The following FH variants were observed in gnomAD, a reference collection of about 807,000 sequenced individuals.
FH encodes fumarate hydratase, mitochondrial.
FH carries 22 observed loss-of-function variants against 49.4 expected under a neutral mutation model. That is an observed-to-expected ratio of 0.45 (90% CI 0.32 to 0.64). FH has a LOEUF of 0.64. FH is among the 30% of genes least tolerant of loss of function. The pLI, the probability that FH is intolerant of heterozygous loss-of-function variation, is 0.05. For synonymous variants in FH, 208 were observed against 223.0 expected, an observed-to-expected ratio of 0.93 and a Z score of 0.60; for missense variants, 526 against 641.5, an observed-to-expected ratio of 0.82 and a Z score of 1.95.
At chr1:241,516,946 C>G (rs936717685) in intron 2 of FH, among the ~76,000 whole-genome samples, 1 of 152,118 alleles carries the variant, frequency 6.6e-6, no homozygotes, top group Non-Finnish European at 1.5e-5. Context: ...CCACCGTGCC[C>G]GGCCTTAAAT....
chr1:241,500,369 T>C (rs1265767503), intron 9 of FH, 68 bp downstream of exon 9: 1 of 1,477,734 alleles, frequency 6.8e-7, no homozygotes, highest in Admixed American at 1.7e-5. Flanking sequence ...GATCCACTTG[T>C]CTCTTAAAAA....
intron 2 of FH, among the ~76,000 whole-genome samples, chr1:241,514,739 T>C (rs992966148): frequency 6.6e-6 from 1 of 152,084 alleles, no homozygotes; most frequent in African/African-American, 2.4e-5. Context: ...ACCAGAAAAT[T>C]TGAAATTTCA....
intron 2 of FH, 92 bp downstream of exon 2, chr1:241,517,090 T>C: frequency 1.3e-6 from 2 of 1,510,978 alleles, no homozygotes; most frequent in Non-Finnish European, 1.8e-6. Flanking sequence ...AACTTTACAT[T>C]TTAACTCTGA....
intron 9 of FH, among the ~76,000 whole-genome samples, chr1:241,498,782 G>A (rs1334778305): frequency 4.0e-5 from 5 of 125,196 alleles, no homozygotes; most frequent in African/African-American, 9.0e-5. Flanking sequence ...AAACCAATGC[G>A]GGAGAAAAAA....
chr1:241,498,741 A>C, intron 9 of FH, among the ~76,000 whole-genome samples: 1 of 119,284 alleles, frequency 8.4e-6, no homozygotes, highest in Non-Finnish European at 1.8e-5. Flanking sequence ...ATATATATAT[A>C]TGTCAAGAAG....
At chr1:241,517,109 T>C in intron 2 of FH, 73 bp downstream of exon 2, 1 of 1,575,076 alleles carries the variant, frequency 6.3e-7, no homozygotes, top group South Asian at 1.1e-5. Flanking sequence ...GAAAAATATT[T>C]ATAAAGTAAA....
At chr1:241,511,797 A>C (rs1291855565) in intron 4 of FH, 170 bp downstream of exon 4, 1 of 620,370 alleles carries the variant, frequency 1.6e-6, no homozygotes, top group African/African-American at 1.8e-5. Context: ...TAATTTTTAT[A>C]AGGATTGAAA....
intron 2 of FH, among the ~76,000 whole-genome samples, chr1:241,514,160 C>G (rs1660162177): frequency 6.6e-6 from 1 of 152,088 alleles, no homozygotes; most frequent in Admixed American, 6.5e-5. Context: ...TCCTTCCCCT[C>G]TTAAAAAAAT....
chr1:241,504,393 C>T (rs1659862017), intron 6 of FH, 148 bp from the exon 7 acceptor site: 2 of 760,590 alleles, frequency 2.6e-6, no homozygotes, highest in Non-Finnish European at 4.3e-6. Context: ...CAAATTTTGT[C>T]TACATTTTTA....
chr1:241,510,566 T>C (rs1187814101), intron 4 of FH, among the ~76,000 whole-genome samples: 2 of 152,052 alleles, frequency 1.3e-5, no homozygotes, highest in African/African-American at 4.8e-5. Flanking sequence ...AAGTGTAGAA[T>C]GAATAAAGAA....
chr1:241,503,129 T>C (rs1220164906), intron 7 of FH, among the ~76,000 whole-genome samples: 2 of 152,218 alleles, frequency 1.3e-5, no homozygotes, highest in African/African-American at 4.8e-5. Context: ...CAGATTCCTC[T>C]GACCAGTACA....
intron 5 of FH, among the ~76,000 whole-genome samples, chr1:241,506,981 G>A (rs547313345): frequency 3.9e-5 from 6 of 152,190 alleles, no homozygotes; most frequent in Admixed American, 3.9e-4. Flanking sequence ...AAAACCATAA[G>A]TGACAGGATG....
intron 9 of FH, among the ~76,000 whole-genome samples, chr1:241,500,021 AAATTAAAGC>A (rs1177627177): frequency 1.6e-4 from 24 of 152,218 alleles, no homozygotes; most frequent in African/African-American, 5.8e-4. Context: ...TAAAACAACA[AAATTAAAGC>A]ATTGTAGAGA....
rs1057523697 is a variant in FH at position 241,504,243 on chromosome 1, A to G, written c.907T>C (p.Leu303=). The G allele has an allele frequency of 1.2e-6, 2 of 1,614,058 alleles. No homozygotes were observed. The highest frequency in any genetic ancestry group is 1.7e-6 in the Non-Finnish European group (2 of 1,179,958). ...VAAKVAALTG[L]PFVTAPNKFE... is the part of the protein sequence containing the mutation. ...TTATTCGGAGCAGTGACAAAAGGCAAGCCTAAAGAAAAGAAAAATATCCTA... is the reference window on the plus strand; with the variant it reads ...TTATTCGGAGCAGTGACAAAAGGCAGGCCTAAAGAAAAGAAAAATATCCTA... Residue 303 remains leucine (L), a splice_region_variant and synonymous_variant, in exon 7 of 10, where the codon TTG becomes CTG. Transcript: ENST00000366560.
chr1:241,506,379 C>T (rs1408690650), intron 5 of FH, among the ~76,000 whole-genome samples: 1 of 152,160 alleles, frequency 6.6e-6, no homozygotes, highest in Non-Finnish European at 1.5e-5. Context: ...GACAATGCCA[C>T]TGATAACATG....
At chr1:241,513,767 G>A (rs1660150224) in intron 2 of FH, 54 bp from the exon 3 acceptor site, 5 of 1,461,760 alleles carry the variant, frequency 3.4e-6, no homozygotes, top group South Asian at 1.1e-5. Flanking sequence ...AAGCATGGAA[G>A]TTTATTATTT....
At chr1:241,513,924 C>A (rs1341504729) in intron 2 of FH, among the ~76,000 whole-genome samples, 1 of 151,918 alleles carries the variant, frequency 6.6e-6, no homozygotes, top group Non-Finnish European at 1.5e-5. Flanking sequence ...TTTAAGGAAC[C>A]AAATAAAAAC....
chr1:241,511,127 T>C (rs770237808), intron 4 of FH, among the ~76,000 whole-genome samples: 4 of 152,152 alleles, frequency 2.6e-5, no homozygotes, highest in African/African-American at 4.8e-5. Context: ...GGTAATAGTA[T>C]TAGGAGATGC....
chr1:241,512,798 G>A (rs1660120240), intron 3 of FH, among the ~76,000 whole-genome samples: 1 of 152,100 alleles, frequency 6.6e-6, no homozygotes, highest in South Asian at 2.1e-4. Flanking sequence ...TATGTGATTA[G>A]TGTAGAAAAT....
Sources: allele counts gnomAD v4.1 joint callset (sites outside exome capture counted in the v4.1 genomes callset), GRCh38; gene constraint gnomAD v4.1.1; transcripts MANE v1.5; gene names NCBI Gene and HGNC (gene_info 2026-07-23, HGNC 2026-07-21).